ABLIM2: variants seen among roughly 807,000 people sequenced by gnomAD.
ABLIM2 encodes the protein actin binding LIM protein family member 2, also known as actin-binding LIM protein 2.
Under a neutral mutation model 97.7 loss-of-function variants are expected in ABLIM2, and 53 were observed. The observed-to-expected ratio is 0.54, with a 90% confidence interval of 0.44 to 0.68. The LOEUF (loss-of-function observed/expected upper bound fraction) is 0.68, where lower values mean the gene tolerates loss of function less well. ABLIM2 is among the 30% of genes least tolerant of loss of function. ABLIM2 has a pLI of 0.00. For synonymous variants in ABLIM2, 361 were observed against 345.8 expected (o/e 1.04, Z -0.49); for missense variants, 835 against 867.2 (o/e 0.96, Z 0.47).
At chr4:8,105,335 C>T (rs1261926289) in intron 2 of ABLIM2, among the ~76,000 whole-genome samples, 1 of 152,232 alleles carries the variant, frequency 6.6e-6, no homozygotes, top group African/African-American at 2.4e-5. Flanking sequence ...GTGTTGCACA[C>T]CTTACCTAAC....
intron 1 of ABLIM2, among the ~76,000 whole-genome samples, chr4:8,118,494 G>T (rs1030287630): frequency 6.6e-6 from 1 of 152,228 alleles, no homozygotes. Context: ...AGCTCTCCAA[G>T]TTGGCAAGGT....
rs370215742 is a variant in ABLIM2 at position 8,008,166 on chromosome 4, G to A, written c.1511C>T (p.Ala504Val). The change falls in exon 16 of 21, where the codon GCA becomes GTA. Residue 504 changes from alanine (A) to valine (V), a missense_variant. Ala to Val is a moderately conservative substitution (Grantham distance 64). Coordinates refer to ENST00000447017, the MANE Select transcript of ABLIM2 (RefSeq NM_001130083.2). Reference sequence around the variant, plus strand: ...GTCTGGAGAATTGGTCCTTGTGTCTGCATCCCCCTTGAGCATCAGCCAGCT... The same window carrying A: ...GTCTGGAGAATTGGTCCTTGTGTCTACATCCCCCTTGAGCATCAGCCAGCT... ...KSSWLMLKGD[A>V]DTRTNSPDLD... 1.4e-5 allele frequency: 22 copies of A among 1,613,858 alleles called. No individual in the cohort carries two copies. Among genetic ancestry groups the A allele is most frequent in the Non-Finnish European group, 1.9e-5 (22 of 1,179,868 alleles).
At chr4:7,993,755 G>C (rs114635916) in intron 16 of ABLIM2, among the ~76,000 whole-genome samples, 1 of 152,164 alleles carries the variant, frequency 6.6e-6, no homozygotes, top group Non-Finnish European at 1.5e-5. Flanking sequence ...CTAGCTTCTC[G>C]TGAAATAATA....
intron 1 of ABLIM2, among the ~76,000 whole-genome samples, chr4:8,138,993 T>C (rs1336257982): frequency 6.6e-6 from 1 of 152,150 alleles, no homozygotes; most frequent in Admixed American, 6.5e-5. Context: ...GGTCAGGAGT[T>C]CAAGACCAGC....
chr4:7,980,153 C>A (rs964150669), intron 20 of ABLIM2, among the ~76,000 whole-genome samples: 1 of 152,154 alleles, frequency 6.6e-6, no homozygotes, highest in Non-Finnish European at 1.5e-5. Flanking sequence ...CCCCCCCTCT[C>A]TGCCAAGGGG....
rs191006977 is a variant in ABLIM2 at position 8,127,305 on chromosome 4, C to T, written c.11-20668G>A. ...CCTTAGCTGACCTGTACAATGGGGT[C>T]ACCCTCCTCACCCCACAGTGCTGTC... On this transcript the variant is annotated intron_variant, in intron 1 of 20. Coordinates refer to ENST00000447017, the MANE Select transcript of ABLIM2 (RefSeq NM_001130083.2). This position sits in a 1 kb window ranked among gnomAD's most constrained non-coding sequence, Gnocchi z 7.3. Among the ~76,000 whole-genome samples the T allele has an allele frequency of 1.5e-3, 227 of 152,330 alleles. 1 individual carries two copies. Among genetic ancestry groups the T allele is most frequent in the African/African-American group, 5.3e-3 (220 of 41,582 alleles).
At chr4:8,102,817 G>A (rs893154844) in intron 2 of ABLIM2, among the ~76,000 whole-genome samples, 3 of 152,170 alleles carry the variant, frequency 2.0e-5, no homozygotes, top group Non-Finnish European at 4.4e-5. Flanking sequence ...ACCTGAGGAC[G>A]GCCATGATTG....
chr4:8,084,799 C>T (rs1049914536), intron 4 of ABLIM2, among the ~76,000 whole-genome samples: 3 of 152,220 alleles, frequency 2.0e-5, no homozygotes, highest in African/African-American at 7.2e-5. Flanking sequence ...TGGCCCCACA[C>T]CCACATCAAA....
At chr4:8,080,199 A>C (rs1818888757) in intron 5 of ABLIM2, among the ~76,000 whole-genome samples, 1 of 150,730 alleles carries the variant, frequency 6.6e-6, no homozygotes, top group South Asian at 2.1e-4. Flanking sequence ...TGCAGAAGAC[A>C]GAGTGCGTGG....
rs749926073 is a variant in ABLIM2, at chr4:7,965,752, T to C, written c.*1238A>G. ...GCCAGCCTCCTGCTCCGGGATGCCC[T>C]GCTGGCTTCAAAGATGAGAAGAGCC... On this transcript the variant is annotated 3_prime_UTR_variant, in exon 21 of 21. Coordinates refer to ENST00000447017, the MANE Select transcript of ABLIM2 (RefSeq NM_001130083.2). The C allele has an allele frequency of 1.2e-4, 18 of 152,304 alleles. No individual in the cohort carries two copies. The highest frequency in any genetic ancestry group is 2.2e-4 in the Non-Finnish European group (15 of 68,116). 9.4% of individuals were successfully genotyped at this position (152,304 alleles called of 1,614,324 possible).
In ABLIM2 at chr4:8,124,791, G is replaced by A. The variant is rs1847112415; in HGVS notation, c.11-18154C>T. 6.6e-6 allele frequency among the ~76,000 whole-genome samples: 1 copy of A among 152,140 alleles called. No homozygotes were observed. The highest frequency in any genetic ancestry group is 2.1e-4 in the South Asian group (1 of 4,816). ...AGATACCCAGGAGTGGAGTTGCTGG[G>A]TCCTGTGGTCACTCTGTGTGCCACC... On this transcript the variant is annotated intron_variant, in intron 1 of 20. Coordinates refer to ENST00000447017, the MANE Select transcript of ABLIM2 (RefSeq NM_001130083.2). This position sits in a 1 kb window ranked among gnomAD's most constrained non-coding sequence, Gnocchi z 6.1.
chr4:8,005,504 C>T lies in ABLIM2; in HGVS notation c.1618+2555G>A, dbSNP rs1416335106. On this transcript the variant is annotated intron_variant, in intron 16 of 20. Coordinates refer to ENST00000447017, the MANE Select transcript of ABLIM2 (RefSeq NM_001130083.2). This position sits in a 1 kb window ranked among gnomAD's most constrained non-coding sequence, Gnocchi z 4.9. ...AGCTGTGTGCAAATGGAACTGGTGC[C>T]CACGGACTCAGGTCTGGGGGCTACT... The T allele has an allele frequency of 1.9e-6, 1 of 518,250 alleles. No homozygotes were observed. The highest frequency in any genetic ancestry group is 3.9e-6 in the Non-Finnish European group (1 of 254,322). The allele number at this position is 518,250 out of a possible 1,614,324, so 32.1% of individuals were successfully genotyped here.
At chr4:8,121,093 C>T (rs1282589904) in intron 1 of ABLIM2, among the ~76,000 whole-genome samples, 5 of 152,250 alleles carry the variant, frequency 3.3e-5, no homozygotes, top group Non-Finnish European at 7.3e-5. Flanking sequence ...GGCCTCAGAG[C>T]CCAGCTGGGG....
At chr4:7,991,473 T>C (rs1748671895) in intron 17 of ABLIM2, among the ~76,000 whole-genome samples, 1 of 152,184 alleles carries the variant, frequency 6.6e-6, no homozygotes, top group South Asian at 2.1e-4. Context: ...GAAGGGAACA[T>C]TCTAGACAGT....
chr4:8,124,284 C>T lies in ABLIM2; in HGVS notation c.11-17647G>A, dbSNP rs1038338192. Among the ~76,000 whole-genome samples, 10 of 152,194 alleles carry T rather than the reference C, an allele frequency of 6.6e-5. No individual in the cohort carries two copies. Among genetic ancestry groups the T allele is most frequent in the African/African-American group, 1.9e-4 (8 of 41,460 alleles). ...TTCATTGAGATATAATTCACATAGC[C>T]GTACAATTTGCCTGTTTGGAATGCA... is the stretch of plus-strand genomic sequence containing the variant. On this transcript the variant is annotated intron_variant, in intron 1 of 20. Coordinates refer to ENST00000447017, the MANE Select transcript of ABLIM2 (RefSeq NM_001130083.2). This position sits in a 1 kb window ranked among gnomAD's most constrained non-coding sequence, Gnocchi z 6.1.
In ABLIM2 at chr4:8,136,642, G is replaced by A. The variant is rs1177080419; in HGVS notation, c.10+22038C>T. On this transcript the variant is annotated intron_variant, in intron 1 of 20. Transcript: ENST00000447017. ...CCCGGGACCCACCAGACAACTCGTG[G>A]TCTGCAGGGCATCTGCCAACAGCAC... is the stretch of plus-strand genomic sequence containing the variant. Among the ~76,000 whole-genome samples, 4 of 152,214 alleles carry A rather than the reference G, an allele frequency of 2.6e-5. No homozygotes were observed. In the East Asian group the frequency reaches 7.7e-4, roughly 29 times the overall value.
chr4:8,075,027 G>A lies in ABLIM2; in HGVS notation c.675+2601C>T, dbSNP rs1044054664. ...TCTTGAACTCCTGACCTCGTGATCC[G>A]CCTGCCTCAGCCTCCCAAAGTGCTG... On this transcript the variant is annotated intron_variant, in intron 6 of 20. Transcript: ENST00000447017. This position sits in a 1 kb window ranked among gnomAD's most constrained non-coding sequence, Gnocchi z 4.4. 1.3e-5 allele frequency among the ~76,000 whole-genome samples: 2 copies of A among 151,964 alleles called. No individual in the cohort carries two copies. Among genetic ancestry groups the A allele is most frequent in the African/African-American group, 2.4e-5 (1 of 41,390 alleles).
intron 20 of ABLIM2, among the ~76,000 whole-genome samples, chr4:7,968,739 G>T (rs1725097784): frequency 6.6e-6 from 1 of 152,182 alleles, no homozygotes; most frequent in Non-Finnish European, 1.5e-5. Flanking sequence ...TGAAGAAAAT[G>T]TTCCGGAGCT....
chr4:8,100,238 TCA>T (rs1195911965), intron 2 of ABLIM2, among the ~76,000 whole-genome samples: 1 of 152,184 alleles, frequency 6.6e-6, no homozygotes, highest in Non-Finnish European at 1.5e-5. Flanking sequence ...TCACAGAAAT[TCA>T]GTTGCAACAA....
Sources: gnomAD v4.1 joint callset for allele counts (sites outside exome capture counted in the v4.1 genomes callset) on GRCh38, gnomAD v4.1.1 for gene constraint, Gnocchi (gnomAD v3.1) non-coding constraint, MANE v1.5 for transcripts, NCBI Gene and HGNC (gene_info 2026-07-23, HGNC 2026-07-21) for gene names.